Variants in ENOX1 observed in about 807,000 individuals in gnomAD.
The protein encoded by ENOX1 is candidate growth-related and time keeping constitutive hydroquinone (NADH) oxidase.
In ENOX1, 42 loss-of-function variants were observed where a neutral mutation model predicts 82.5. The ratio of observed to expected loss-of-function variants is 0.51; its 90% CI spans 0.40 to 0.66. The LOEUF (loss-of-function observed/expected upper bound fraction) is 0.66, where lower values mean the gene tolerates loss of function less well. ENOX1 is among the 30% of genes least tolerant of loss of function. The pLI is 0.00. For synonymous variants in ENOX1, 271 were observed against 282.2 expected, an observed-to-expected ratio of 0.96 and a Z score of 0.40; for missense variants, 608 against 811.6, an observed-to-expected ratio of 0.75 and a Z score of 3.05.
At chr13:43,777,769 C>T (rs979683825) in intron 1 of ENOX1, among the ~76,000 whole-genome samples, 3 of 151,762 alleles carry the variant, frequency 2.0e-5, no homozygotes, top group East Asian at 1.9e-4. Context: ...TGGCTGGTCT[C>T]GAACTCCTGA....
At chr13:43,634,775 T>C (rs1594199014) in intron 2 of ENOX1, among the ~76,000 whole-genome samples, 1 of 152,220 alleles carries the variant, frequency 6.6e-6, no homozygotes, top group African/African-American at 2.4e-5. Context: ...TGCCTCAGGG[T>C]CTATCAGCCA....
intron 3 of ENOX1, among the ~76,000 whole-genome samples, chr13:43,465,157 C>A (rs2057663476): frequency 1.3e-5 from 2 of 152,142 alleles, no homozygotes; most frequent in Admixed American, 1.3e-4. Flanking sequence ...GGAAGCCAGT[C>A]ATAAATCCAG....
At chr13:43,589,675 T>C (rs1447848211) in intron 2 of ENOX1, among the ~76,000 whole-genome samples, 2 of 152,080 alleles carry the variant, frequency 1.3e-5, no homozygotes, top group Non-Finnish European at 2.9e-5. Flanking sequence ...ACTAATTTTT[T>C]ATTTTTCATT....
chr13:43,616,183 T>TATAG (rs2082452497), intron 2 of ENOX1, among the ~76,000 whole-genome samples: 1 of 5,540 alleles, frequency 1.8e-4, no homozygotes, highest in African/African-American at 2.1e-4. Flanking sequence ...TCTATCTATC[T>TATAG]ATCTATATAT....
At chr13:43,631,934 A>G (rs534166277) in intron 2 of ENOX1, among the ~76,000 whole-genome samples, 1 of 152,294 alleles carries the variant, frequency 6.6e-6, no homozygotes, top group East Asian at 1.9e-4. Context: ...AGTGTTCTCC[A>G]TTGCCGTCAA....
intron 5 of ENOX1, among the ~76,000 whole-genome samples, chr13:43,410,357 G>C (rs939457101): frequency 6.6e-6 from 1 of 151,956 alleles, no homozygotes; most frequent in Non-Finnish European, 1.5e-5. Context: ...AGGGGCCTGG[G>C]ATAAACACAT....
intron 11 of ENOX1, among the ~76,000 whole-genome samples, chr13:43,321,421 A>G (rs994975274): frequency 5.3e-5 from 8 of 152,012 alleles, no homozygotes; most frequent in African/African-American, 1.9e-4. Context: ...TATGACCATC[A>G]CTCGCACCCC....
At chr13:43,265,519 A>G (rs1273840928) in intron 13 of ENOX1, 65 bp from the exon 14 acceptor site, 3 of 1,355,898 alleles carry the variant, frequency 2.2e-6, no homozygotes, top group Admixed American at 3.6e-5. Context: ...TCTCTTAAGT[A>G]TATCATCTTG....
At chr13:43,336,488 A>G (rs1232357591) in intron 9 of ENOX1, among the ~76,000 whole-genome samples, 1 of 152,256 alleles carries the variant, frequency 6.6e-6, no homozygotes, top group Non-Finnish European at 1.5e-5. Context: ...AATTCTGACC[A>G]ATCTTCAGCA....
At chr13:43,306,820 C>A (rs553472159) in intron 11 of ENOX1, among the ~76,000 whole-genome samples, 2 of 61,240 alleles carry the variant, frequency 3.3e-5, no homozygotes, top group South Asian at 1.8e-3. Context: ...CTACCCTCTA[C>A]ATAGAAACAC....
chr13:43,564,841 C>G (rs938292018), intron 2 of ENOX1, among the ~76,000 whole-genome samples: 2 of 151,984 alleles, frequency 1.3e-5, no homozygotes, highest in Non-Finnish European at 2.9e-5. Flanking sequence ...TCCCTGCAGC[C>G]CCTGACTACA....
intron 2 of ENOX1, among the ~76,000 whole-genome samples, chr13:43,508,693 GATA>G (rs563441292): frequency 1.3e-5 from 2 of 151,908 alleles, no homozygotes; most frequent in Non-Finnish European, 2.9e-5. Context: ...TAAGTCAACA[GATA>G]ATATTGAAAT....
At chr13:43,563,696 G>T (rs2079788956) in intron 2 of ENOX1, among the ~76,000 whole-genome samples, 1 of 151,886 alleles carries the variant, frequency 6.6e-6, no homozygotes, top group Non-Finnish European at 1.5e-5. Context: ...AGGAGGCAAA[G>T]GACTGTTAGA....
At chr13:43,528,335 C>T (rs1250238969) in intron 2 of ENOX1, among the ~76,000 whole-genome samples, 2 of 152,084 alleles carry the variant, frequency 1.3e-5, no homozygotes, top group African/African-American at 4.8e-5. Context: ...ATACATAGGA[C>T]TGTTGTCTTA....
intron 2 of ENOX1, among the ~76,000 whole-genome samples, chr13:43,611,448 A>G (rs2082197981): frequency 1.3e-5 from 2 of 152,228 alleles, no homozygotes; most frequent in African/African-American, 4.8e-5. Context: ...GGATTTATGT[A>G]TAATGACAGA....
chr13:43,732,775 G>A (rs2089419367), intron 1 of ENOX1, among the ~76,000 whole-genome samples: 1 of 152,194 alleles, frequency 6.6e-6, no homozygotes, highest in Admixed American at 6.5e-5. Context: ...GCTGCCTATT[G>A]ATGTTTTTGG....
intron 16 of ENOX1, among the ~76,000 whole-genome samples, 180 bp from the exon 17 acceptor site, chr13:43,214,301 C>T (rs1480612778): frequency 3.3e-5 from 5 of 152,094 alleles, no homozygotes; most frequent in Non-Finnish European, 5.9e-5. Flanking sequence ...TCCCACCTCC[C>T]GAGCAGCTGG....
intron 1 of ENOX1, among the ~76,000 whole-genome samples, chr13:43,705,771 A>C (rs564004416): frequency 6.6e-6 from 1 of 152,142 alleles, no homozygotes; most frequent in Non-Finnish European, 1.5e-5. Flanking sequence ...GACCAAGGGG[A>C]TAGTATGAAT....
chr13:43,216,801 G>GT (rs974807433), intron 16 of ENOX1, among the ~76,000 whole-genome samples: 1 of 152,156 alleles, frequency 6.6e-6, no homozygotes, highest in East Asian at 1.9e-4. Context: ...AAAAAGCTAA[G>GT]TTTTTGAGGG....
Sources: allele counts gnomAD v4.1 joint callset (sites outside exome capture counted in the v4.1 genomes callset), GRCh38; gene constraint gnomAD v4.1.1; transcripts MANE v1.5; gene names NCBI Gene and HGNC (gene_info 2026-07-23, HGNC 2026-07-21).